The following ZFHX3 variants were observed in gnomAD, a reference collection of about 807,000 sequenced individuals.
ZFHX3 encodes zinc finger homeobox protein 3.
A neutral mutation model predicts 279.1 loss-of-function variants in ZFHX3; 42 were observed. The observed-to-expected ratio is 0.15, with a 90% CI of 0.12 to 0.19. The LOEUF (loss-of-function observed/expected upper bound fraction) is 0.19, where lower values mean the gene tolerates loss of function less well. Among genes scored for constraint, ZFHX3 ranks in the 10% least tolerant of loss-of-function variants. ZFHX3 has a pLI of 1.00. For missense variants in ZFHX3, 4,981 were observed against 4,754.0 expected, an observed-to-expected ratio of 1.05 and a Z score of -1.40; for synonymous variants, 2,293 against 1,957.8, an observed-to-expected ratio of 1.17 and a Z score of -4.52.
intron 2 of ZFHX3, among the ~76,000 whole-genome samples, chr16:73,598,240 C>T (rs1161397659): frequency 6.6e-6 from 1 of 152,128 alleles, no homozygotes; most frequent in Non-Finnish European, 1.5e-5. Flanking sequence ...CTTGTATCTA[C>T]TTTTATTTTC....
intron 1 of ZFHX3, among the ~76,000 whole-genome samples, chr16:73,786,720 G>A (rs1350144565): frequency 6.6e-6 from 1 of 152,200 alleles, no homozygotes; most frequent in Non-Finnish European, 1.5e-5. Flanking sequence ...AGCCTGTTCA[G>A]CCTCTCCAAA....
At chr16:73,670,356 A>C (rs1169561354) in intron 2 of ZFHX3, among the ~76,000 whole-genome samples, 1 of 152,196 alleles carries the variant, frequency 6.6e-6, no homozygotes, top group African/African-American at 2.4e-5. Flanking sequence ...AATGGGATAA[A>C]ATTATAAAAG....
In ZFHX3 at chr16:73,774,444, G is replaced by A. The variant is rs773400941; in HGVS notation, c.-1607-94204C>T. ...ACCCATGACACACCAGGACCCCAGA[G>A]TTGGGTGTCCCAGAGGTATCCAAAC... On this transcript the variant is annotated intron_variant, in intron 1 of 17. Coordinates refer to the ZFHX3 transcript ENST00000641206. 3.4e-4 allele frequency among the ~76,000 whole-genome samples: 52 copies of A among 152,168 alleles called. 1 individual carries two copies. Among genetic ancestry groups the A allele is most frequent in the Non-Finnish European group, 4.1e-4 (28 of 68,032 alleles).
At chr16:73,201,090 C>T (rs1253977182) in intron 5 of ZFHX3, among the ~76,000 whole-genome samples, 1 of 152,190 alleles carries the variant, frequency 6.6e-6, no homozygotes, top group African/African-American at 2.4e-5. Flanking sequence ...CTAGGTTGAT[C>T]CAAGCCAGGC....
chr16:73,429,053 G>A (rs918061825), intron 3 of ZFHX3, among the ~76,000 whole-genome samples: 1 of 152,134 alleles, frequency 6.6e-6, no homozygotes, highest in African/African-American at 2.4e-5. Context: ...TCCATGTCTA[G>A]AGGAAAACCC....
intron 8 of ZFHX3, among the ~76,000 whole-genome samples, chr16:73,080,150 CT>C (rs1965927712): frequency 6.6e-6 from 1 of 152,226 alleles, no homozygotes; most frequent in African/African-American, 2.4e-5. Context: ...CACATCTGCT[CT>C]GTCTCCCACA....
chr16:73,108,638 C>T (rs1484571089), intron 7 of ZFHX3, among the ~76,000 whole-genome samples: 2 of 152,172 alleles, frequency 1.3e-5, no homozygotes, highest in Non-Finnish European at 2.9e-5. Flanking sequence ...GCACACCCAC[C>T]AGTACCTCTC....
chr16:73,444,842 G>A (rs906881263), intron 3 of ZFHX3, among the ~76,000 whole-genome samples: 10 of 151,906 alleles, frequency 6.6e-5, no homozygotes, highest in African/African-American at 7.3e-5. Context: ...ATTCATGGCC[G>A]GGTGCGGTGG....
intron 1 of ZFHX3, among the ~76,000 whole-genome samples, chr16:73,741,666 C>T (rs1286645493): frequency 6.6e-6 from 1 of 152,166 alleles, no homozygotes; most frequent in African/African-American, 2.4e-5. Context: ...AGACAAAATG[C>T]CATCATTTCC....
intron 5 of ZFHX3, among the ~76,000 whole-genome samples, chr16:73,215,878 C>A (rs188130583): frequency 6.6e-6 from 1 of 151,516 alleles, no homozygotes; most frequent in African/African-American, 2.4e-5. Flanking sequence ...TGTGCATGGA[C>A]GTGTGTGTGT....
At chr16:73,047,512 A>AG (rs767519656) in intron 1 of ZFHX3, among the ~76,000 whole-genome samples, 1 of 152,156 alleles carries the variant, frequency 6.6e-6, no homozygotes, top group African/African-American at 2.4e-5. Context: ...TCAGGAAAGG[A>AG]GGAGGGAGGG....
chr16:73,374,334 G>A (rs2016684747), intron 3 of ZFHX3, among the ~76,000 whole-genome samples: 1 of 151,480 alleles, frequency 6.6e-6, no homozygotes, highest in Non-Finnish European at 1.5e-5. Context: ...CTTCAACAAT[G>A]ATCAAGGCCA....
chr16:73,146,156 G>A (rs1022882992), intron 5 of ZFHX3, among the ~76,000 whole-genome samples: 9 of 152,152 alleles, frequency 5.9e-5, no homozygotes, highest in African/African-American at 2.2e-4. Context: ...TGGGCCGGGT[G>A]CGGTGACTCA....
chr16:73,864,203 G>C (rs1396244803), intron 1 of ZFHX3, among the ~76,000 whole-genome samples: 3 of 152,172 alleles, frequency 2.0e-5, no homozygotes, highest in East Asian at 1.9e-4. Flanking sequence ...CACAGCACAA[G>C]GGTCTTCTTT....
chr16:73,461,581 G>A (rs2018471945), intron 2 of ZFHX3, among the ~76,000 whole-genome samples: 1 of 152,174 alleles, frequency 6.6e-6, no homozygotes, highest in Admixed American at 6.5e-5. Flanking sequence ...AACCAAGATT[G>A]AGGTTCACTT....
At chr16:73,836,298 A>G (rs1189605023) in intron 1 of ZFHX3, among the ~76,000 whole-genome samples, 1 of 152,200 alleles carries the variant, frequency 6.6e-6, no homozygotes, top group Non-Finnish European at 1.5e-5. Flanking sequence ...ACAGTAAGCA[A>G]CTTGAGGATG....
intron 1 of ZFHX3, among the ~76,000 whole-genome samples, chr16:73,012,106 G>C (rs1025275062): frequency 6.6e-6 from 1 of 152,212 alleles, no homozygotes; most frequent in African/African-American, 2.4e-5. Context: ...CAAAAAGGCA[G>C]TCAGTCTTCT....
intron 4 of ZFHX3, among the ~76,000 whole-genome samples, chr16:72,885,372 A>C (rs1447829395): frequency 6.6e-6 from 1 of 152,262 alleles, no homozygotes. Context: ...TGGCAGATAT[A>C]GATCCTGGCT....
intron 3 of ZFHX3, among the ~76,000 whole-genome samples, chr16:73,323,027 C>A (rs935838127): frequency 2.6e-5 from 4 of 152,190 alleles, no homozygotes; most frequent in Admixed American, 2.6e-4. Flanking sequence ...AGAGCTGCAG[C>A]GGAGACCCTG....
Sources: allele counts gnomAD v4.1 joint callset (sites outside exome capture counted in the v4.1 genomes callset), GRCh38; gene constraint gnomAD v4.1.1; transcripts MANE v1.5; gene names NCBI Gene and HGNC (gene_info 2026-07-23, HGNC 2026-07-21).